CA1: variants seen among roughly 807,000 people sequenced by gnomAD.
The protein encoded by CA1 is carbonate dehydratase I.
CA1 carries 27 observed loss-of-function variants against 28.8 expected under a neutral mutation model. That is an observed-to-expected ratio of 0.94 (90% confidence interval 0.69 to 1.29). The LOEUF (loss-of-function observed/expected upper bound fraction) is 1.29. Ranked by LOEUF, CA1 falls within the 50% of genes most tolerant of loss-of-function variation. CA1 has a pLI of 0.00. For missense variants in CA1, 335 were observed against 310.5 expected, an observed-to-expected ratio of 1.08 and a Z score of -0.59; for synonymous variants, 121 against 108.8, an observed-to-expected ratio of 1.11 and a Z score of -0.70.
At chr8:85,339,369 G>C (rs1277961809) in intron 2 of CA1, among the ~76,000 whole-genome samples, 1 of 152,064 alleles carries the variant, frequency 6.6e-6, no homozygotes, top group Non-Finnish European at 1.5e-5. Flanking sequence ...TATTATAATA[G>C]TGTTGTGGCA....
intron 1 of CA1, among the ~76,000 whole-genome samples, chr8:85,364,807 T>C (rs1809939418): frequency 6.6e-6 from 1 of 152,230 alleles, no homozygotes; most frequent in Non-Finnish European, 1.5e-5. Context: ...TAAATAAGTT[T>C]CAATTTTTAA....
intron 1 of CA1, among the ~76,000 whole-genome samples, chr8:85,355,885 C>T (rs182814430): frequency 1.3e-5 from 2 of 151,918 alleles, no homozygotes; most frequent in African/African-American, 4.8e-5. Flanking sequence ...GATCAAGAAC[C>T]TCAGCCTGCC....
intron 1 of CA1, among the ~76,000 whole-genome samples, chr8:85,360,367 G>A (rs1330328209): frequency 6.6e-6 from 1 of 152,152 alleles, no homozygotes; most frequent in African/African-American, 2.4e-5. Flanking sequence ...AAATGGCCTG[G>A]GCACTCAACA....
chr8:85,368,032 T>A (rs1363926892), intron 1 of CA1, among the ~76,000 whole-genome samples: 1 of 151,952 alleles, frequency 6.6e-6, no homozygotes, highest in Non-Finnish European at 1.5e-5. Context: ...GAATATGAGC[T>A]GTACAATTTT....
chr8:85,347,666 C>T (rs945413098), intron 1 of CA1, among the ~76,000 whole-genome samples: 2 of 152,150 alleles, frequency 1.3e-5, no homozygotes, highest in Non-Finnish European at 2.9e-5. Context: ...CATACTCCAT[C>T]AATGACATTT....
chr8:85,341,742 A>C, intron 1 of CA1, 83 bp from the exon 2 acceptor site: 1 of 778,874 alleles, frequency 1.3e-6, no homozygotes, highest in South Asian at 1.4e-5. Context: ...GGGCGTTTTT[A>C]TAGAAACTTA....
chr8:85,330,303 G>C (rs967534366), intron 6 of CA1, among the ~76,000 whole-genome samples: 1 of 152,028 alleles, frequency 6.6e-6, no homozygotes, highest in Non-Finnish European at 1.5e-5. Flanking sequence ...CTGGTGTGTA[G>C]GAAATATACT....
At chr8:85,337,278 T>G in intron 3 of CA1, 1 of 548,696 alleles carries the variant, frequency 1.8e-6, no homozygotes, top group Non-Finnish European at 3.3e-6. Flanking sequence ...TTCCATGAAT[T>G]ATACACATTT....
intron 1 of CA1, among the ~76,000 whole-genome samples, chr8:85,346,043 T>A (rs1041283808): frequency 2.0e-5 from 3 of 152,218 alleles, no homozygotes; most frequent in African/African-American, 4.8e-5. Flanking sequence ...AGTTGTTAAA[T>A]CTGCTAATGG....
At chr8:85,344,649 T>A (rs901214373) in intron 1 of CA1, among the ~76,000 whole-genome samples, 2 of 152,084 alleles carry the variant, frequency 1.3e-5, no homozygotes, top group Non-Finnish European at 2.9e-5. Context: ...TATGGTGAGT[T>A]TCAAATTTAA....
intron 1 of CA1, among the ~76,000 whole-genome samples, chr8:85,364,618 A>G (rs1564046492): frequency 6.6e-6 from 1 of 152,222 alleles, no homozygotes; most frequent in African/African-American, 2.4e-5. Context: ...ACCATCTGGA[A>G]CTAAAGTAAC....
chr8:85,348,847 G>C lies in CA1; in HGVS notation c.-24-7188C>G, dbSNP rs541790864. Among the ~76,000 whole-genome samples the C allele has an allele frequency of 1.6e-4, 25 of 152,270 alleles. No homozygotes were observed. In the South Asian group the frequency reaches 5.2e-3, roughly 32 times the overall value. ...ACATAGCAGATGCACAGTAAAAGAT[G>C]GCTTTTATTTTTTACTGAGTGTGCT... On this transcript the variant is annotated intron_variant, in intron 1 of 7. Coordinates refer to ENST00000523022, the MANE Select transcript of CA1 (RefSeq NM_001128831.4).
intron 1 of CA1, among the ~76,000 whole-genome samples, chr8:85,369,694 G>T (rs886953845): frequency 6.6e-6 from 1 of 152,068 alleles, no homozygotes; most frequent in Admixed American, 6.6e-5. Flanking sequence ...TGGGAACAGG[G>T]TTCTCTTTTA....
chr8:85,343,688 A>G (rs1372340420), intron 1 of CA1, among the ~76,000 whole-genome samples: 3 of 152,184 alleles, frequency 2.0e-5, no homozygotes, highest in Non-Finnish European at 2.9e-5. Context: ...GATTTGTCAC[A>G]TGAATGCTTT....
At chr8:85,373,701 G>T (rs1034705520) in intron 1 of CA1, among the ~76,000 whole-genome samples, 1 of 152,058 alleles carries the variant, frequency 6.6e-6, no homozygotes, top group Non-Finnish European at 1.5e-5. Context: ...GTCTTGTAAC[G>T]TATCCTCACA....
At chr8:85,342,510 T>C (rs1808971187) in intron 1 of CA1, among the ~76,000 whole-genome samples, 1 of 152,194 alleles carries the variant, frequency 6.6e-6, no homozygotes. Flanking sequence ...TCCAGTTCCC[T>C]TCTTCACTGT....
At position 85,359,985 on chromosome 8, in the gene CA1, A is replaced by G. The variant is rs139807509; in HGVS notation, c.-25+18061T>C. 1.8e-3 allele frequency among the ~76,000 whole-genome samples: 275 copies of G among 152,360 alleles called. 2 individuals carry two copies. Among genetic ancestry groups the G allele is most frequent in the Admixed American group, 9.2e-3 (141 of 15,300 alleles). On this transcript the variant is annotated intron_variant, in intron 1 of 7. Transcript: ENST00000523022. ...GAAAACATGTGCTTATGTTCTAGAC[A>G]AATTACGTTTTCTGGTTGTAGCATT...
At chr8:85,360,662 C>G (rs1253578158) in intron 1 of CA1, among the ~76,000 whole-genome samples, 1 of 152,190 alleles carries the variant, frequency 6.6e-6, no homozygotes, top group African/African-American at 2.4e-5. Context: ...CACTGCACTC[C>G]AGCCTGGGCG....
At chr8:85,332,730 T>C (rs1808461963) in intron 5 of CA1, among the ~76,000 whole-genome samples, 178 bp from the exon 6 acceptor site, 1 of 152,170 alleles carries the variant, frequency 6.6e-6, no homozygotes, top group African/African-American at 2.4e-5. Flanking sequence ...ACTCTATAAA[T>C]TGTTTATAAT....
Sources: allele counts gnomAD v4.1 joint callset (sites outside exome capture counted in the v4.1 genomes callset), GRCh38; gene constraint gnomAD v4.1.1; transcripts MANE v1.5; gene names NCBI Gene and HGNC (gene_info 2026-07-23, HGNC 2026-07-21).